CAPS2: variants seen among roughly 807,000 people sequenced by gnomAD.
The protein encoded by CAPS2 is calcyphosine 2.
A neutral mutation model predicts 86.5 loss-of-function variants in CAPS2; 98 were observed. That is an observed-to-expected ratio of 1.13 (90% CI 0.96 to 1.34). The LOEUF is 1.34. Among genes scored for constraint, CAPS2 ranks in the 40% most tolerant of loss-of-function variants. The probability of loss-of-function intolerance (pLI) is 0.00; values close to 1 mark genes in which losing one functional copy is unlikely to be tolerated. For missense variants in CAPS2, 729 were observed against 686.8 expected, an observed-to-expected ratio of 1.06 and a Z score of -0.69; for synonymous variants, 210 against 225.1, an observed-to-expected ratio of 0.93 and a Z score of 0.60.
rs980697943 is a variant in CAPS2 at position 75,382,763 on chromosome 12, C to A, written c.-395+8075G>T. ...TAAGCAAGAGGCTTAAAGTTTATCC[C>A]AAAATTGCTCTTGTTTTTAAAATTA... On this transcript the variant is annotated intron_variant, in intron 1 of 5. Transcript: ENST00000551829. Among the ~76,000 whole-genome samples, 3 of 152,076 alleles carry A rather than the reference C, an allele frequency of 2.0e-5. No homozygotes were observed. In the South Asian group the frequency reaches 6.2e-4, roughly 31 times the overall value.
intron 1 of CAPS2, among the ~76,000 whole-genome samples, chr12:75,336,104 G>A (rs2041717835): frequency 6.6e-6 from 1 of 151,914 alleles, no homozygotes; most frequent in African/African-American, 2.4e-5. Flanking sequence ...GAATTATTCT[G>A]CTGAAAGTTC....
At chr12:75,385,628 T>G (rs572262477) in intron 1 of CAPS2, among the ~76,000 whole-genome samples, 2 of 152,160 alleles carry the variant, frequency 1.3e-5, no homozygotes, top group African/African-American at 4.8e-5. Context: ...GACAAGAAAA[T>G]AAAAGGTTTA....
intron 7 of CAPS2, among the ~76,000 whole-genome samples, chr12:75,310,800 T>G (rs2039071691): frequency 6.6e-6 from 1 of 152,062 alleles, no homozygotes; most frequent in African/African-American, 2.4e-5. Context: ...CAGTGGCATT[T>G]GTAGAAGGAC....
intron 13 of CAPS2, among the ~76,000 whole-genome samples, chr12:75,290,953 T>C (rs2035751695): frequency 9.4e-6 from 1 of 106,288 alleles, no homozygotes; most frequent in South Asian, 3.7e-4. Flanking sequence ...AAACATAAAT[T>C]ACATGTTAAT....
At chr12:75,334,949 A>C (rs753174836), upstream of CAPS2, 12 of 1,544,588 alleles carry the variant, frequency 7.8e-6, no homozygotes, top group South Asian at 1.4e-4. Flanking sequence ...ACTCATCCTG[A>C]GGTATCTGGG....
chr12:75,323,977 A>G (rs894407485), intron 2 of CAPS2, among the ~76,000 whole-genome samples: 1 of 152,212 alleles, frequency 6.6e-6, no homozygotes, highest in South Asian at 2.1e-4. Flanking sequence ...TGCTACAAAT[A>G]GGACTTGGTT....
intron 2 of CAPS2, 71 bp downstream of exon 3, chr12:75,325,168 T>A (rs1278765590): frequency 2.9e-6 from 4 of 1,392,400 alleles, no homozygotes; most frequent in Non-Finnish European, 9.6e-7. Flanking sequence ...TTTTGCTTTG[T>A]TTTTTAACTA....
At chr12:75,277,086 A>T, downstream of CAPS2, 1 of 984,472 alleles carries the variant, frequency 1.0e-6, no homozygotes, top group South Asian at 4.7e-5. Context: ...TACACCAAAA[A>T]AAATCTCATA....
intron 14 of CAPS2, among the ~76,000 whole-genome samples, chr12:75,287,158 G>T (rs144457316): frequency 6.8e-4 from 102 of 151,066 alleles, no homozygotes; most frequent in Admixed American, 1.8e-3. Flanking sequence ...AATTCCCATT[G>T]CCCTTCCTTG....
At chr12:75,314,348 T>A (rs971304114) in intron 6 of CAPS2, among the ~76,000 whole-genome samples, 2 of 152,206 alleles carry the variant, frequency 1.3e-5, no homozygotes, top group Non-Finnish European at 2.9e-5. Flanking sequence ...TATTTAACAC[T>A]TTCATTTATT....
intron 1 of CAPS2, chr12:75,367,088 T>G (rs1269098273): frequency 8.6e-6 from 6 of 695,144 alleles, no homozygotes; most frequent in Non-Finnish European, 1.6e-5. Flanking sequence ...CAACTGAGAT[T>G]AATTTGGGGA....
intron 1 of CAPS2, among the ~76,000 whole-genome samples, chr12:75,364,198 A>G (rs1054190501): frequency 5.9e-5 from 9 of 152,230 alleles, no homozygotes; most frequent in Non-Finnish European, 1.2e-4. Flanking sequence ...GAATTACAAA[A>G]GGGAGGAAGG....
At chr12:75,277,149 T>G (rs575038514), downstream of CAPS2, 1,201 of 982,580 alleles carry the variant, frequency 1.2e-3, 5 homozygotes, top group Admixed American at 1.6e-3. Context: ...GTTAGGAAGA[T>G]TAAGATTAAT....
At chr12:75,377,684 T>C (rs1320003846) in intron 1 of CAPS2, among the ~76,000 whole-genome samples, 1 of 152,092 alleles carries the variant, frequency 6.6e-6, no homozygotes, top group Non-Finnish European at 1.5e-5. Flanking sequence ...GGCAGCTGAC[T>C]GGATGGTACC....
chr12:75,351,290 A>G (rs185359989), intron 1 of CAPS2, among the ~76,000 whole-genome samples: 1 of 152,334 alleles, frequency 6.6e-6, no homozygotes, highest in East Asian at 1.9e-4. Flanking sequence ...GAACTTCCTC[A>G]ACCTAGCAAG....
At chr12:75,305,937 G>A in intron 7 of CAPS2, 1 of 1,085,242 alleles carries the variant, frequency 9.2e-7, no homozygotes, top group Middle Eastern at 2.1e-4. Context: ...TGGTGAAAGC[G>A]CTGGAGCCCG....
intron 1 of CAPS2, among the ~76,000 whole-genome samples, chr12:75,354,691 A>G (rs2043036684): frequency 6.6e-6 from 1 of 152,222 alleles, no homozygotes; most frequent in South Asian, 2.1e-4. Flanking sequence ...AGCAGAAAAG[A>G]ACAAAGCTGG....
chr12:75,279,876 T>C (rs2033602093), intron 16 of CAPS2, among the ~76,000 whole-genome samples: 2 of 152,066 alleles, frequency 1.3e-5, no homozygotes, highest in Admixed American at 6.6e-5. Flanking sequence ...GAAATTTCCA[T>C]CTTTGTTTAC....
upstream of CAPS2, chr12:75,334,424 T>C (rs2139205649): frequency 8.7e-7 from 1 of 1,148,516 alleles, no homozygotes; most frequent in Admixed American, 4.3e-5. Flanking sequence ...TGTATTACAA[T>C]CCAGACGCGC....
Sources: allele counts gnomAD v4.1 joint callset (sites outside exome capture counted in the v4.1 genomes callset), GRCh38; gene constraint gnomAD v4.1.1; transcripts MANE v1.5; gene names NCBI Gene and HGNC (gene_info 2026-07-23, HGNC 2026-07-21).